The following DNM3 variants were observed in gnomAD, a reference collection of about 807,000 sequenced individuals.
DNM3 encodes the protein dynamin 3, also known as dynamin-3.
A neutral mutation model predicts 101.6 loss-of-function variants in DNM3; 47 were observed. The ratio of observed to expected loss-of-function variants is 0.46; its 90% CI spans 0.37 to 0.59. The LOEUF (loss-of-function observed/expected upper bound fraction) is 0.59. Among genes scored for constraint, DNM3 ranks in the 20% least tolerant of loss-of-function variants. The pLI is 0.00. For synonymous variants in DNM3, 385 were observed against 387.9 expected (o/e 0.99, Z 0.09); for missense variants, 849 against 1,085.7 (o/e 0.78, Z 3.06).
At chr1:172,062,832 A>C (rs778453307) in intron 10 of DNM3, among the ~76,000 whole-genome samples, 9 of 152,204 alleles carry the variant, frequency 5.9e-5, no homozygotes, top group Non-Finnish European at 1.2e-4. Context: ...AAATGTTTCT[A>C]CAAATACATC....
At chr1:172,010,611 CTAT>C (rs1169124075) in intron 4 of DNM3, among the ~76,000 whole-genome samples, 2 of 68,982 alleles carry the variant, frequency 2.9e-5, no homozygotes, top group African/African-American at 5.9e-5. Context: ...GCTATTATGG[CTAT>C]TTTTTTTTTT....
At chr1:172,073,858 T>C (rs1467404276) in intron 11 of DNM3, among the ~76,000 whole-genome samples, 1 of 152,130 alleles carries the variant, frequency 6.6e-6, no homozygotes, top group African/African-American at 2.4e-5. Context: ...AGGAAGTCAG[T>C]TTTGAATATC....
At chr1:171,969,672 A>G (rs2043845772) in intron 2 of DNM3, among the ~76,000 whole-genome samples, 1 of 152,202 alleles carries the variant, frequency 6.6e-6, no homozygotes, top group Non-Finnish European at 1.5e-5. Flanking sequence ...TTCAGCAAAA[A>G]AAGATTAAAG....
intron 13 of DNM3, among the ~76,000 whole-genome samples, chr1:172,104,212 A>G (rs905172941): frequency 6.6e-6 from 1 of 152,154 alleles, no homozygotes; most frequent in South Asian, 2.1e-4. Context: ...CTTGACTTTC[A>G]GTTTTTTTAC....
In DNM3 at chr1:172,142,459, G is replaced by A. The variant is rs567770985; in HGVS notation, c.1659+11171G>A. 3.9e-5 allele frequency among the ~76,000 whole-genome samples: 6 copies of A among 151,932 alleles called. No individual in the cohort carries two copies. In the South Asian group the frequency reaches 6.2e-4, roughly 16 times the overall value. ...TTTTCATTTGTTAAAACTTTGCCTC[G>A]AAAATAAGTCGCTAGAGCCACATCA... On this transcript the variant is annotated intron_variant, in intron 14 of 20. Transcript: ENST00000627582.
At chr1:172,164,070 G>T (rs924032624) in intron 14 of DNM3, among the ~76,000 whole-genome samples, 1 of 151,798 alleles carries the variant, frequency 6.6e-6, no homozygotes, top group African/African-American at 2.4e-5. Context: ...TGAATGTGGG[G>T]TTGAGACTTT....
chr1:172,104,705 A>T (rs1266540431), intron 13 of DNM3, among the ~76,000 whole-genome samples: 3 of 152,104 alleles, frequency 2.0e-5, no homozygotes, highest in Admixed American at 2.0e-4. Context: ...CTTCTACTGT[A>T]TTTACATTTA....
intron 13 of DNM3, among the ~76,000 whole-genome samples, chr1:172,093,531 G>A (rs2054051503): frequency 6.6e-6 from 1 of 152,068 alleles, no homozygotes; most frequent in Non-Finnish European, 1.5e-5. Flanking sequence ...AAACAATGAT[G>A]GTGTTATAGT....
chr1:172,022,347 G>A (rs1448299811), intron 4 of DNM3, among the ~76,000 whole-genome samples: 1 of 152,052 alleles, frequency 6.6e-6, no homozygotes, highest in Non-Finnish European at 1.5e-5. Context: ...CTTTCTGACA[G>A]TGGTTTTTAA....
intron 14 of DNM3, among the ~76,000 whole-genome samples, chr1:172,228,863 G>A (rs2061233682): frequency 6.6e-6 from 1 of 152,048 alleles, no homozygotes; most frequent in South Asian, 2.1e-4. Context: ...GATTTGGAGT[G>A]CAGTCCCACA....
chr1:172,359,903 A>C (rs1040889681), intron 17 of DNM3, among the ~76,000 whole-genome samples: 1 of 151,974 alleles, frequency 6.6e-6, no homozygotes, highest in Non-Finnish European at 1.5e-5. Flanking sequence ...CAAGCTCCAC[A>C]TGACTGGATT....
rs974948144 is a variant in DNM3, at chr1:172,417,834, C to T, written c.2541-447C>T. Among the ~76,000 whole-genome samples, 7 of 152,240 alleles carry T rather than the reference C, an allele frequency of 4.6e-5. No individual in the cohort carries two copies. The South Asian group carries it at 1.2e-3, about 27-fold the overall frequency. ...TTTAACCTGCCATTGGCTACATCAA[C>T]TCCCTCTCCCCCTATGGAGATTTCA... On this transcript the variant is annotated intron_variant, in intron 20 of 20. Coordinates refer to the DNM3 transcript ENST00000485254.
At chr1:172,365,448 T>C (rs2067964705) in intron 17 of DNM3, among the ~76,000 whole-genome samples, 1 of 151,968 alleles carries the variant, frequency 6.6e-6, no homozygotes, top group Admixed American at 6.6e-5. Flanking sequence ...CAGTCATTGA[T>C]GTTAAGAAAT....
intron 13 of DNM3, among the ~76,000 whole-genome samples, chr1:172,129,680 G>A (rs1558615349): frequency 6.6e-6 from 1 of 151,972 alleles, no homozygotes; most frequent in Non-Finnish European, 1.5e-5. Context: ...TTACTATCAC[G>A]AGAACAGTGC....
chr1:171,868,945 G>A (rs1412733833), intron 1 of DNM3, among the ~76,000 whole-genome samples: 4 of 152,018 alleles, frequency 2.6e-5, no homozygotes, highest in African/African-American at 7.2e-5. Flanking sequence ...CACCACACCC[G>A]GCTAATTTTG....
chr1:172,381,495 AATAC>A (rs1447644266), intron 18 of DNM3, among the ~76,000 whole-genome samples: 8 of 150,460 alleles, frequency 5.3e-5, no homozygotes, highest in African/African-American at 1.9e-4. Flanking sequence ...TTTTATATAT[AATAC>A]ATATATTTTA....
chr1:172,220,363 G>A (rs1191044131), intron 14 of DNM3, among the ~76,000 whole-genome samples: 2 of 152,092 alleles, frequency 1.3e-5, no homozygotes, highest in South Asian at 2.1e-4. Flanking sequence ...GGAGTGATCA[G>A]ATACATTGTG....
chr1:172,115,284 C>T (rs1055999466), intron 13 of DNM3, among the ~76,000 whole-genome samples: 2 of 152,110 alleles, frequency 1.3e-5, no homozygotes, highest in Non-Finnish European at 2.9e-5. Flanking sequence ...ATAGCAAATC[C>T]TGTCATCTGG....
intron 20 of DNM3, among the ~76,000 whole-genome samples, chr1:172,404,036 G>T (rs1188837954): frequency 1.3e-5 from 2 of 152,032 alleles, no homozygotes; most frequent in African/African-American, 4.8e-5. Flanking sequence ...TTGCTTTCTA[G>T]TACAGTTGTA....
Sources: allele counts gnomAD v4.1 joint callset (sites outside exome capture counted in the v4.1 genomes callset), GRCh38; gene constraint gnomAD v4.1.1; transcripts MANE v1.5; gene names NCBI Gene and HGNC (gene_info 2026-07-23, HGNC 2026-07-21).